SV2C: variants seen among roughly 807,000 people sequenced by gnomAD.
The protein encoded by SV2C is synaptic vesicle glycoprotein 2C.
SV2C carries 49 observed loss-of-function variants against 79.7 expected under a neutral mutation model. That is an observed-to-expected ratio of 0.61 (90% confidence interval 0.49 to 0.78). The LOEUF (loss-of-function observed/expected upper bound fraction) is 0.78, where lower values mean the gene tolerates loss of function less well. Among genes scored for constraint, SV2C ranks in the 30% least tolerant of loss-of-function variants. The pLI, the probability that SV2C is intolerant of heterozygous loss-of-function variation, is 0.00. For synonymous variants in SV2C, 334 were observed against 333.2 expected (o/e 1.00, Z -0.03); for missense variants, 833 against 912.9 (o/e 0.91, Z 1.13).
rs1462120793 is a variant in SV2C, at chr5:76,270,499, T to C, written c.914-14663T>C. Among the ~76,000 whole-genome samples, 4 of 152,228 alleles carry C rather than the reference T, an allele frequency of 2.6e-5. No individual in the cohort carries two copies. The East Asian group carries it at 7.7e-4, about 29-fold the overall frequency. ...TGGGCTGGAGATTTGCATTTGCTTA[T>C]TCTTGCTGGTGAGCCTTTGCTGATC... On this transcript the variant is annotated intron_variant, in intron 4 of 12. Coordinates refer to ENST00000502798, the MANE Select transcript of SV2C (RefSeq NM_014979.4).
the SV2C span, among the ~76,000 whole-genome samples, chr5:75,926,052 T>G: frequency 6.6e-6 from 1 of 152,256 alleles, no homozygotes; most frequent in Non-Finnish European, 1.5e-5. Flanking sequence ...AAATGGCTTC[T>G]GTTAAGATCT....
chr5:76,291,170 C>T, intron 6 of SV2C, 51 bp from the exon 7 acceptor site: 1 of 1,411,274 alleles, frequency 7.1e-7, no homozygotes, highest in South Asian at 1.2e-5. Flanking sequence ...ACCCTACACT[C>T]AGCAACTTCA....
At chr5:76,227,343 G>A (rs1327457520) in intron 4 of SV2C, among the ~76,000 whole-genome samples, 1 of 152,112 alleles carries the variant, frequency 6.6e-6, no homozygotes, top group Non-Finnish European at 1.5e-5. Flanking sequence ...GTCTTGTAGT[G>A]GACCGAGGGT....
intron 4 of SV2C, among the ~76,000 whole-genome samples, chr5:76,221,683 G>A (rs777057699): frequency 1.3e-5 from 2 of 152,114 alleles, no homozygotes; most frequent in Non-Finnish European, 2.9e-5. Context: ...AGACCCTCAA[G>A]CCAGTGTGAC....
intron 2 of SV2C, among the ~76,000 whole-genome samples, chr5:76,177,935 A>G (rs1413554732): frequency 6.6e-6 from 1 of 152,190 alleles, no homozygotes; most frequent in East Asian, 1.9e-4. Flanking sequence ...CTGTGCTGAT[A>G]TAGAGGAGAT....
At chr5:75,991,974 T>C in the SV2C span, among the ~76,000 whole-genome samples, 1 of 152,046 alleles carries the variant, frequency 6.6e-6, no homozygotes, top group African/African-American at 2.4e-5. Context: ...ATTTTTTTCT[T>C]GTCCTTTCTC....
At chr5:76,311,640 G>C (rs917080177) in intron 12 of SV2C, among the ~76,000 whole-genome samples, 1 of 152,172 alleles carries the variant, frequency 6.6e-6, no homozygotes, top group Admixed American at 6.5e-5. Context: ...CCTATTATAT[G>C]TAATGTAGAT....
the SV2C span, among the ~76,000 whole-genome samples, chr5:75,954,884 G>A: frequency 7.7e-5 from 11 of 143,478 alleles, no homozygotes; most frequent in Admixed American, 1.4e-4. Context: ...ACTGCTCAAG[G>A]AAATAAAAGA....
chr5:76,146,492 T>TAGTGAGGATGCAGTGAG (rs1443932228), intron 2 of SV2C, among the ~76,000 whole-genome samples: 2 of 151,818 alleles, frequency 1.3e-5, no homozygotes, highest in Non-Finnish European at 2.9e-5. Context: ...CTGGTGGGAG[T>TAGTGAGGATGCAGTGAG]GTAGCAGTGA....
rs1015649394 is a variant in SV2C at position 76,194,977 on chromosome 5, C to T, written c.639C>T (p.Asp213=). ...VGAFFWGGLA[D]KVGRKQSLLI... ...CGTTCTTCTGGGGAGGACTGGCAGA[C>T]AAAGTGGGAAGGAAACAGTCTCTTC... is the stretch of plus-strand genomic sequence containing the variant. The change falls in exon 3 of 13, where the codon GAC becomes GAT. Residue 213 remains aspartate, a synonymous_variant. Coordinates refer to ENST00000502798, the MANE Select transcript of SV2C (RefSeq NM_014979.4). The T allele has an allele frequency of 1.2e-6, 2 of 1,613,906 alleles. No individual in the cohort carries two copies. Among genetic ancestry groups the T allele is most frequent in the African/African-American group, 2.7e-5 (2 of 74,888 alleles).
the SV2C span, among the ~76,000 whole-genome samples, chr5:76,035,614 A>ACAGT: frequency 4.5e-5 from 2 of 44,382 alleles, no homozygotes; most frequent in African/African-American, 5.6e-4. Flanking sequence ...GATCTGAGAG[A>ACAGT]TAGTTTTAAT....
intron 12 of SV2C, among the ~76,000 whole-genome samples, chr5:76,346,392 C>T (rs975533958): frequency 4.6e-5 from 7 of 152,294 alleles, no homozygotes; most frequent in South Asian, 4.1e-4. Flanking sequence ...CTTCTGTGAG[C>T]CAGTACAACA....
At chr5:76,312,947 T>C (rs966434941) in intron 12 of SV2C, among the ~76,000 whole-genome samples, 7 of 152,246 alleles carry the variant, frequency 4.6e-5, no homozygotes, top group Admixed American at 2.6e-4. Flanking sequence ...CCCTTAGGAC[T>C]GTCCTTGTTT....
intron 4 of SV2C, among the ~76,000 whole-genome samples, chr5:76,217,732 A>C (rs1169918951): frequency 6.6e-6 from 1 of 152,126 alleles, no homozygotes; most frequent in Non-Finnish European, 1.5e-5. Context: ...CTAAAGTTTG[A>C]GATTAGAGAA....
chr5:76,263,197 G>GATCTTTGTTGA (rs1746537837), intron 4 of SV2C, among the ~76,000 whole-genome samples: 1 of 152,056 alleles, frequency 6.6e-6, no homozygotes, highest in Non-Finnish European at 1.5e-5. Flanking sequence ...GCCCTTCTTT[G>GATCTTTGTTGA]TCTTTTTTGA....
At chr5:76,183,534 C>T (rs991055629) in intron 2 of SV2C, among the ~76,000 whole-genome samples, 1 of 152,140 alleles carries the variant, frequency 6.6e-6, no homozygotes, top group Non-Finnish European at 1.5e-5. Context: ...CTCCATCTTT[C>T]CTCCTTGCAG....
At position 76,165,156 on chromosome 5, in the gene SV2C, T is replaced by G. The variant is rs576297017; in HGVS notation, c.581-29763T>G. On this transcript the variant is annotated intron_variant, in intron 2 of 12. Transcript: ENST00000502798. ...TGTGTGTTTATGTGTGTGTGATTTT[T>G]TTAACAGTTTAAGACTCAATAGAAG... Among the ~76,000 whole-genome samples the G allele has an allele frequency of 7.9e-5, 12 of 152,290 alleles. No homozygotes were observed. In the South Asian group the frequency reaches 2.5e-3, roughly 32 times the overall value.
At position 76,291,846 on chromosome 5, in the gene SV2C, C is replaced by G; in HGVS notation, c.1327C>G (p.Leu443Val). The change falls in exon 8 of 13, where the codon CTG (leucine) becomes GTG (valine). Residue 443 changes from leucine to valine, a missense_variant. Transcript: ENST00000502798. ...AAAGCTTACAATTGTTTGGTTCACC[C>G]TGTCCTTTGGGTAAGTGATATTTAA... is the stretch of plus-strand genomic sequence containing the variant. ...TIKLTIVWFTLSFGYYGLSVW... is the reference protein window; with the variant it reads ...TIKLTIVWFTVSFGYYGLSVW... The G allele has an allele frequency of 6.2e-7, 1 of 1,606,994 alleles. No homozygotes were observed. The highest frequency in any genetic ancestry group is 8.5e-7 in the Non-Finnish European group (1 of 1,175,542).
intron 12 of SV2C, chr5:76,311,479 G>C (rs1411220417): frequency 6.6e-6 from 1 of 152,218 alleles, no homozygotes; most frequent in East Asian, 1.9e-4. Flanking sequence ...AGACAAGATT[G>C]CTTTGAGAAG....
Sources: gnomAD v4.1 joint callset for allele counts (sites outside exome capture counted in the v4.1 genomes callset) on GRCh38, gnomAD v4.1.1 for gene constraint, MANE v1.5 for transcripts, NCBI Gene and HGNC (gene_info 2026-07-23, HGNC 2026-07-21) for gene names.